The following CNTLN variants were observed in gnomAD, a reference collection of about 807,000 sequenced individuals.
CNTLN encodes the protein centlein.
A neutral mutation model predicts 180.0 loss-of-function variants in CNTLN; 212 were observed. The observed-to-expected ratio is 1.18, with a 90% CI of 1.05 to 1.32. The LOEUF (loss-of-function observed/expected upper bound fraction) is 1.32. Among genes scored for constraint, CNTLN ranks in the 40% most tolerant of loss-of-function variants. The pLI, the probability that CNTLN is intolerant of heterozygous loss-of-function variation, is 0.00. For synonymous variants in CNTLN, 722 were observed against 563.1 expected, an observed-to-expected ratio of 1.28 and a Z score of -3.99; for missense variants, 2,095 against 1,610.9, an observed-to-expected ratio of 1.30 and a Z score of -5.14.
chr9:17,376,572 C>T (rs1315382958), intron 13 of CNTLN, among the ~76,000 whole-genome samples: 2 of 152,180 alleles, frequency 1.3e-5, no homozygotes, highest in East Asian at 3.9e-4. Context: ...CTGCCTCAGC[C>T]TCCCAAGTAG....
chr9:17,200,726 A>G (rs896366372), intron 2 of CNTLN, among the ~76,000 whole-genome samples: 3 of 152,136 alleles, frequency 2.0e-5, no homozygotes, highest in Non-Finnish European at 2.9e-5. Flanking sequence ...CAGCATAAGG[A>G]GTTTTGGGGC....
chr9:17,364,545 C>T (rs1823651973), intron 12 of CNTLN, among the ~76,000 whole-genome samples: 1 of 152,052 alleles, frequency 6.6e-6, no homozygotes, highest in Admixed American at 6.6e-5. Flanking sequence ...TTTTTAAAAA[C>T]ATTTTAAAAA....
At chr9:17,513,159 A>G in the CNTLN span, among the ~76,000 whole-genome samples, 64 of 152,322 alleles carry the variant, frequency 4.2e-4, no homozygotes, top group East Asian at 0.011. Flanking sequence ...ATGGACATAA[A>G]TTAAAAGAAA....
At chr9:17,295,290 G>T (rs912595366) in intron 6 of CNTLN, among the ~76,000 whole-genome samples, 3 of 152,170 alleles carry the variant, frequency 2.0e-5, no homozygotes, top group Non-Finnish European at 4.4e-5. Context: ...GTGCAGCGGC[G>T]GGCTGAAGGG....
intron 5 of CNTLN, among the ~76,000 whole-genome samples, chr9:17,270,007 A>C (rs867108571): frequency 2.6e-5 from 4 of 152,092 alleles, no homozygotes; most frequent in Admixed American, 2.6e-4. Flanking sequence ...CATCTTTTAT[A>C]ATCTTGCTCA....
intron 2 of CNTLN, among the ~76,000 whole-genome samples, chr9:17,192,110 GT>G: frequency 6.6e-6 from 1 of 152,210 alleles, no homozygotes; most frequent in African/African-American, 2.4e-5. Flanking sequence ...TGTGTTCATA[GT>G]TTAACAAGCA....
intron 9 of CNTLN, 75 bp downstream of exon 9, chr9:17,330,883 T>C (rs1406853857): frequency 1.5e-6 from 2 of 1,315,168 alleles, no homozygotes; most frequent in African/African-American, 1.5e-5. Context: ...AAAAAACAAA[T>C]GGCAGCATTT....
At chr9:17,298,954 C>T in intron 7 of CNTLN, 1 of 984,812 alleles carries the variant, frequency 1.0e-6, no homozygotes, top group Non-Finnish European at 1.2e-6. Context: ...AAAAAAAATA[C>T]CTTTATTGGC....
At chr9:17,299,421 G>T in intron 7 of CNTLN, 1 of 967,928 alleles carries the variant, frequency 1.0e-6, no homozygotes, top group Non-Finnish European at 1.2e-6. Flanking sequence ...TATCCCTCTA[G>T]AATTACTGGA....
intron 6 of CNTLN, among the ~76,000 whole-genome samples, chr9:17,285,225 A>G (rs948918443): frequency 7.1e-5 from 10 of 140,334 alleles, no homozygotes; most frequent in Admixed American, 3.1e-4. Flanking sequence ...TCATTGTTCA[A>G]TTCCCACCTA....
intron 2 of CNTLN, among the ~76,000 whole-genome samples, chr9:17,169,953 AG>A (rs1820321819): frequency 6.6e-6 from 1 of 152,160 alleles, no homozygotes; most frequent in African/African-American, 2.4e-5. Context: ...GAATTTTGAT[AG>A]GGTTTACATT....
At chr9:17,318,513 C>G (rs1376216488) in intron 8 of CNTLN, among the ~76,000 whole-genome samples, 1 of 152,052 alleles carries the variant, frequency 6.6e-6, no homozygotes, top group Non-Finnish European at 1.5e-5. Context: ...AGTTAGAATG[C>G]ATAAACTTTG....
intron 6 of CNTLN, among the ~76,000 whole-genome samples, chr9:17,296,921 A>G (rs1817989680): frequency 6.6e-6 from 1 of 152,206 alleles, no homozygotes; most frequent in Admixed American, 6.5e-5. Context: ...CTGTCTCCGT[A>G]TCTCTTTTAT....
intron 23 of CNTLN, among the ~76,000 whole-genome samples, chr9:17,480,151 A>G (rs1365884546): frequency 6.6e-6 from 1 of 152,088 alleles, no homozygotes; most frequent in Non-Finnish European, 1.5e-5. Flanking sequence ...TGATTACACC[A>G]CTGCATTTCA....
chr9:17,398,080 T>C (rs1298984986), intron 15 of CNTLN, among the ~76,000 whole-genome samples: 3 of 152,132 alleles, frequency 2.0e-5, no homozygotes, highest in Admixed American at 2.0e-4. Flanking sequence ...TATCACCTTC[T>C]CAGTATTTAT....
intron 12 of CNTLN, among the ~76,000 whole-genome samples, chr9:17,353,435 G>T (rs1285095470): frequency 6.6e-6 from 1 of 151,668 alleles, no homozygotes; most frequent in Non-Finnish European, 1.5e-5. Flanking sequence ...CCAAAATTGT[G>T]GGTTTTGATT....
intron 5 of CNTLN, among the ~76,000 whole-genome samples, chr9:17,269,985 G>A (rs758374271): frequency 6.6e-6 from 1 of 152,040 alleles, no homozygotes; most frequent in Non-Finnish European, 1.5e-5. Context: ...AATCATCTGA[G>A]TTTTGCACAG....
At chr9:17,143,433 C>A in intron 2 of CNTLN, 57 bp downstream of exon 2, 1 of 1,265,022 alleles carries the variant, frequency 7.9e-7, no homozygotes, top group South Asian at 1.2e-5. Flanking sequence ...TGTTTCTCTT[C>A]ATTATTAAAG....
intron 13 of CNTLN, among the ~76,000 whole-genome samples, 160 bp from the exon 14 acceptor site, chr9:17,388,002 C>A (rs1397029387): frequency 1.4e-5 from 2 of 147,752 alleles, no homozygotes; most frequent in African/African-American, 5.0e-5. Flanking sequence ...TGCTAAAAAT[C>A]TTGAAAAGGG....
Sources: gnomAD v4.1 joint callset for allele counts (sites outside exome capture counted in the v4.1 genomes callset) on GRCh38, gnomAD v4.1.1 for gene constraint, MANE v1.5 for transcripts, NCBI Gene and HGNC (gene_info 2026-07-23, HGNC 2026-07-21) for gene names.